NOVA1: variants seen among roughly 807,000 people sequenced by gnomAD.
NOVA1 encodes the protein RNA-binding protein Nova-1.
Under a neutral mutation model 38.0 loss-of-function variants are expected in NOVA1, and 7 were observed. That is an observed-to-expected ratio of 0.18 (90% CI 0.10 to 0.35). The LOEUF (loss-of-function observed/expected upper bound fraction) is 0.35, where lower values mean the gene tolerates loss of function less well. NOVA1 is among the 10% of genes least tolerant of loss of function. The probability of loss-of-function intolerance (pLI) is 1.00; values close to 1 mark genes in which losing one functional copy is unlikely to be tolerated. For missense variants in NOVA1, 460 were observed against 616.0 expected (o/e 0.75, Z 2.68); for synonymous variants, 270 against 232.5 (o/e 1.16, Z -1.47).
chr14:26,530,222 G>C (rs1889608433), intron 2 of NOVA1, among the ~76,000 whole-genome samples: 1 of 152,052 alleles, frequency 6.6e-6, no homozygotes, highest in Non-Finnish European at 1.5e-5. Context: ...CAGCCTAAAA[G>C]TGACTCATTT....
At chr14:26,515,539 C>T (rs953671131) in intron 2 of NOVA1, among the ~76,000 whole-genome samples, 16 of 151,884 alleles carry the variant, frequency 1.1e-4, no homozygotes, top group African/African-American at 3.6e-4. Context: ...TAATAAAAGA[C>T]CAGACTCAAA....
chr14:26,592,966 A>G (rs1893950970), intron 2 of NOVA1: 1 of 151,794 alleles, frequency 6.6e-6, no homozygotes, highest in African/African-American at 2.4e-5. Flanking sequence ...TTATACAACT[A>G]AAGTAGACTT....
chr14:26,505,580 C>G (rs999457183), intron 2 of NOVA1, among the ~76,000 whole-genome samples: 3 of 152,112 alleles, frequency 2.0e-5, no homozygotes, highest in Non-Finnish European at 4.4e-5. Flanking sequence ...TGAAAATGCA[C>G]TAACACAACA....
chr14:26,529,639 T>C (rs2138544015), intron 2 of NOVA1, among the ~76,000 whole-genome samples: 1 of 152,310 alleles, frequency 6.6e-6, no homozygotes, highest in Non-Finnish European at 1.5e-5. Context: ...AATGGGAGAC[T>C]ATCACAAACA....
At chr14:26,574,283 C>A (rs1456485156) in intron 2 of NOVA1, among the ~76,000 whole-genome samples, 2 of 117,144 alleles carry the variant, frequency 1.7e-5, no homozygotes, top group East Asian at 3.1e-4. Context: ...CCCCCCCCGC[C>A]CCCTCGGCCT....
chr14:26,505,870 G>C (rs1887606886), intron 2 of NOVA1, among the ~76,000 whole-genome samples: 1 of 151,926 alleles, frequency 6.6e-6, no homozygotes, highest in South Asian at 2.1e-4. Context: ...ATTCCATTTT[G>C]TAATTTACAA....
intron 2 of NOVA1, among the ~76,000 whole-genome samples, chr14:26,483,137 T>C (rs1458202920): frequency 1.3e-5 from 2 of 152,232 alleles, no homozygotes; most frequent in Admixed American, 6.5e-5. Context: ...ATGCTAAAAA[T>C]GCACAGGTTT....
intron 2 of NOVA1, among the ~76,000 whole-genome samples, chr14:26,565,975 G>A: frequency 6.6e-6 from 1 of 152,244 alleles, no homozygotes; most frequent in East Asian, 1.9e-4. Context: ...AGAACATGAT[G>A]CAATTGAAAG....
chr14:26,476,178 T>C (rs1371300421), intron 3 of NOVA1, among the ~76,000 whole-genome samples: 2 of 152,200 alleles, frequency 1.3e-5, no homozygotes, highest in African/African-American at 4.8e-5. Flanking sequence ...TATCTTCCTC[T>C]TTCCAACATG....
At chr14:26,550,428 A>T (rs1325680463) in intron 2 of NOVA1, among the ~76,000 whole-genome samples, 2 of 152,174 alleles carry the variant, frequency 1.3e-5, no homozygotes, top group African/African-American at 2.4e-5. Flanking sequence ...AAATCAAATT[A>T]AGATAGACCC....
At chr14:26,461,647 G>C (rs2138611208) in intron 4 of NOVA1, among the ~76,000 whole-genome samples, 1 of 151,926 alleles carries the variant, frequency 6.6e-6, no homozygotes, top group South Asian at 2.1e-4. Flanking sequence ...TCCTAATGTA[G>C]GCTGGGCTTG....
At chr14:26,553,939 G>A (rs957349655) in intron 2 of NOVA1, among the ~76,000 whole-genome samples, 4 of 151,556 alleles carry the variant, frequency 2.6e-5, no homozygotes, top group Non-Finnish European at 5.9e-5. Context: ...TTGAGGCCCC[G>A]GTTCAATATC....
chr14:26,515,339 A>C (rs1355292679), intron 2 of NOVA1, among the ~76,000 whole-genome samples: 1 of 152,016 alleles, frequency 6.6e-6, no homozygotes, highest in Non-Finnish European at 1.5e-5. Context: ...ATTTTCAAAA[A>C]TGGGTTCTAT....
chr14:26,473,699 A>T (rs1884767448), intron 3 of NOVA1, among the ~76,000 whole-genome samples: 1 of 152,000 alleles, frequency 6.6e-6, no homozygotes, highest in Admixed American at 6.6e-5. Context: ...TGTTTCTAAC[A>T]TCATACCATG....
In NOVA1 at chr14:26,445,782, A is replaced by C. The variant is rs943716060; in HGVS notation, c.*2177T>G. On this transcript the variant is annotated 3_prime_UTR_variant, in exon 5 of 5. Transcript: ENST00000539517. ...CTTTGTTCACTGCTGACTCTGAGAC[A>C]GCATGGTGAAAGAAATTTACATAGA... The C allele has an allele frequency of 6.6e-6, 1 of 152,606 alleles. No individual in the cohort carries two copies. The highest frequency in any genetic ancestry group is 2.4e-5 in the African/African-American group (1 of 41,452). 9.5% of individuals were successfully genotyped at this position (152,606 alleles called of 1,614,324 possible).
intron 2 of NOVA1, among the ~76,000 whole-genome samples, chr14:26,486,815 T>A (rs1339134554): frequency 6.6e-6 from 1 of 151,734 alleles, no homozygotes; most frequent in Non-Finnish European, 1.5e-5. Flanking sequence ...TTTGATTTCA[T>A]TTTTCTTTAT....
intron 2 of NOVA1, among the ~76,000 whole-genome samples, chr14:26,565,988 A>G (rs927200374): frequency 6.6e-6 from 1 of 152,170 alleles, no homozygotes; most frequent in Non-Finnish European, 1.5e-5. Flanking sequence ...ATTGAAAGAT[A>G]GGCAGGAGTA....
chr14:26,516,659 C>A (rs1055870295), intron 2 of NOVA1, among the ~76,000 whole-genome samples: 1 of 152,118 alleles, frequency 6.6e-6, no homozygotes, highest in Non-Finnish European at 1.5e-5. Flanking sequence ...CCTAAAGGAA[C>A]TGACTATATA....
intron 2 of NOVA1, among the ~76,000 whole-genome samples, chr14:26,513,294 T>C (rs1303838324): frequency 6.6e-6 from 1 of 151,972 alleles, no homozygotes; most frequent in Non-Finnish European, 1.5e-5. Flanking sequence ...GGATTTTCAT[T>C]AAATTTCTTA....
Sources: allele counts gnomAD v4.1 joint callset (sites outside exome capture counted in the v4.1 genomes callset), GRCh38; gene constraint gnomAD v4.1.1; transcripts MANE v1.5; gene names NCBI Gene and HGNC (gene_info 2026-07-23, HGNC 2026-07-21).